The following BCL2L14 variants were observed in gnomAD, a reference collection of about 807,000 sequenced individuals.
The protein encoded by BCL2L14 is BCL2 like 14.
In BCL2L14, 27 loss-of-function variants were observed where a neutral mutation model predicts 35.3. The observed-to-expected ratio is 0.76, with a 90% CI of 0.56 to 1.05. The LOEUF is 1.05. BCL2L14 is among the 50% of genes least tolerant of loss of function. The pLI is 0.00. For missense variants in BCL2L14, 377 were observed against 382.6 expected (o/e 0.99, Z 0.12); for synonymous variants, 139 against 145.9 (o/e 0.95, Z 0.34).
intron 1 of BCL2L14, among the ~76,000 whole-genome samples, chr12:12,075,517 C>T (rs955816401): frequency 1.3e-5 from 2 of 152,024 alleles, no homozygotes; most frequent in South Asian, 4.1e-4. Flanking sequence ...CCTCCGCCTC[C>T]TGGGTTCAAG....
At chr12:12,065,582 C>T (rs1377563584) in intron 2 of BCL2L14, among the ~76,000 whole-genome samples, 1 of 150,650 alleles carries the variant, frequency 6.6e-6, no homozygotes, top group Non-Finnish European at 1.5e-5. Context: ...AGGGAAAGAG[C>T]TTTAGGCTTC....
intron 5 of BCL2L14, among the ~76,000 whole-genome samples, chr12:12,098,134 C>T (rs58960192): frequency 0.035 from 5,375 of 151,944 alleles, 181 homozygotes; most frequent in African/African-American, 0.083. Flanking sequence ...TGGATTGGGG[C>T]GTGTGCTCAG....
At chr12:12,056,977 T>A (rs1744220403) in intron 2 of BCL2L14, among the ~76,000 whole-genome samples, 1 of 152,200 alleles carries the variant, frequency 6.6e-6, no homozygotes, top group South Asian at 2.1e-4. Flanking sequence ...ACGTTAAAGA[T>A]TATTTCTTAA....
chr12:12,094,212 T>C (rs1213961682), intron 4 of BCL2L14, among the ~76,000 whole-genome samples: 2 of 152,190 alleles, frequency 1.3e-5, no homozygotes, highest in Non-Finnish European at 2.9e-5. Context: ...TTCCCCAAGA[T>C]TGCATAGCTA....
rs1176983111 is a variant in BCL2L14, at chr12:12,062,762, C to T, written c.-272+10915C>T. Among the ~76,000 whole-genome samples the T allele has an allele frequency of 5.3e-5, 8 of 152,092 alleles. No homozygotes were observed. The South Asian group carries it at 1.0e-3, about 20-fold the overall frequency. On this transcript the variant is annotated intron_variant, in intron 2 of 3. Coordinates refer to the BCL2L14 transcript ENST00000461264. The stretch of plus-strand genomic sequence containing the variant: ...AGTCAGACATAATTCCTCAGTTTAG[C>T]CTTCCCACCTCTATACAGTCTGATA...
At chr12:12,067,709 C>G (rs1948610181), upstream of BCL2L14, among the ~76,000 whole-genome samples, 1 of 152,154 alleles carries the variant, frequency 6.6e-6, no homozygotes, top group African/African-American at 2.4e-5. Flanking sequence ...CTTATTATGA[C>G]CCTGTTTTAC....
intron 2 of BCL2L14, among the ~76,000 whole-genome samples, chr12:12,065,426 C>T (rs150005057): frequency 2.6e-5 from 4 of 151,918 alleles, no homozygotes; most frequent in African/African-American, 7.2e-5. Flanking sequence ...ATCTAAGTGA[C>T]TCTGGAGACT....
chr12:12,096,952 G>A (rs1173658510), intron 5 of BCL2L14, among the ~76,000 whole-genome samples: 1 of 152,122 alleles, frequency 6.6e-6, no homozygotes, highest in Non-Finnish European at 1.5e-5. Flanking sequence ...GACCATCCTG[G>A]CTAACACGGT....
At position 12,079,845 on chromosome 12, in the gene BCL2L14, G is replaced by A. The variant is rs776173682; in HGVS notation, c.433+107G>A. 142 of 1,125,542 alleles carry A rather than the reference G, an allele frequency of 1.3e-4. 1 individual carries two copies. The Admixed American group carries it at 3.0e-3, about 24-fold the overall frequency. 69.7% of individuals were successfully genotyped at this position (1,125,542 alleles called of 1,614,324 possible). A position where few individuals can be genotyped will look rare whatever the true frequency, so the allele number is the denominator to read the frequency against. ...TGTAAAGTGGCTTTAGAGAAGGCATGCGTTGTGCCTCAGCTTTCCAACTTA... is the reference window on the plus strand; with the variant it reads ...TGTAAAGTGGCTTTAGAGAAGGCATACGTTGTGCCTCAGCTTTCCAACTTA... On this transcript the variant is annotated intron_variant, in intron 2 of 5. Coordinates refer to ENST00000308721, the MANE Select transcript of BCL2L14 (RefSeq NM_138723.2).
intron 2 of BCL2L14, among the ~76,000 whole-genome samples, chr12:12,056,325 A>T (rs1948432473): frequency 6.6e-6 from 1 of 152,218 alleles, no homozygotes; most frequent in Admixed American, 6.5e-5. Flanking sequence ...GTATACATTT[A>T]AAGTGAGAGC....
At chr12:12,056,930 G>C (rs1310085577) in intron 2 of BCL2L14, among the ~76,000 whole-genome samples, 2 of 151,886 alleles carry the variant, frequency 1.3e-5, no homozygotes, top group African/African-American at 4.8e-5. Context: ...GAGACTGAAG[G>C]GGACCTGAGG....
At chr12:12,075,954 G>T (rs1226579012) in intron 1 of BCL2L14, among the ~76,000 whole-genome samples, 1 of 151,534 alleles carries the variant, frequency 6.6e-6, no homozygotes, top group South Asian at 2.1e-4. Flanking sequence ...CAATGTTTTT[G>T]GATCAGGAGA....
chr12:12,088,979 C>T (rs1045719074), intron 3 of BCL2L14, among the ~76,000 whole-genome samples: 2 of 152,240 alleles, frequency 1.3e-5, no homozygotes, highest in East Asian at 3.8e-4. Context: ...TGACCTCATC[C>T]TCTGTGCACA....
At chr12:12,070,605 A>T (rs1240921364), upstream of BCL2L14, among the ~76,000 whole-genome samples, 1 of 151,850 alleles carries the variant, frequency 6.6e-6, no homozygotes, top group Non-Finnish European at 1.5e-5. Context: ...TGAACCCAGG[A>T]GGCGGAGGTT....
intron 2 of BCL2L14, among the ~76,000 whole-genome samples, chr12:12,084,566 C>G (rs978588045): frequency 6.6e-6 from 1 of 152,150 alleles, no homozygotes; most frequent in African/African-American, 2.4e-5. Flanking sequence ...CGATGACCCC[C>G]AAAACAGACT....
chr12:12,057,484 T>A (rs11054645), intron 2 of BCL2L14, among the ~76,000 whole-genome samples: 94,279 of 151,984 alleles, frequency 0.62, 30,069 homozygotes, highest in East Asian at 0.78. Flanking sequence ...AGAGCCGGGC[T>A]CGGTGGCTCA....
At chr12:12,076,331 TTGCATGTAAGTGAAA>T (rs143935168) in intron 1 of BCL2L14, among the ~76,000 whole-genome samples, 22,553 of 152,010 alleles carry the variant, frequency 0.15, 2,086 homozygotes, top group Non-Finnish European at 0.21. Flanking sequence ...AGCAAACGAT[TTGCATGTAAGTGAAA>T]TGCATGTAAG....
At chr12:12,090,645 A>AT in intron 3 of BCL2L14, 134 bp from the exon 4 acceptor site, 3 of 405,180 alleles carry the variant, frequency 7.4e-6, no homozygotes, top group South Asian at 6.8e-5. Context: ...AAAATAAAAA[A>AT]TAAAAAAAAA....
At chr12:12,082,970 G>GT (rs2136756060) in intron 2 of BCL2L14, among the ~76,000 whole-genome samples, 1 of 152,084 alleles carries the variant, frequency 6.6e-6, no homozygotes, top group East Asian at 1.9e-4. Context: ...TTGTTTGTTT[G>GT]TTTGTTGTTT....
Sources: gnomAD v4.1 joint callset for allele counts (sites outside exome capture counted in the v4.1 genomes callset) on GRCh38, gnomAD v4.1.1 for gene constraint, MANE v1.5 for transcripts, NCBI Gene and HGNC (gene_info 2026-07-23, HGNC 2026-07-21) for gene names.